The following RAD51B variants were observed in gnomAD, a reference collection of about 807,000 sequenced individuals.
RAD51B encodes DNA repair protein RAD51 homolog 2.
In RAD51B, 38 loss-of-function variants were observed where a neutral mutation model predicts 42.2. The observed-to-expected ratio is 0.90, with a 90% CI of 0.70 to 1.18. The LOEUF (loss-of-function observed/expected upper bound fraction) is 1.18. RAD51B is among the 50% of genes most tolerant of loss of function. The probability of loss-of-function intolerance (pLI) is 0.00; values close to 1 mark genes in which losing one functional copy is unlikely to be tolerated. For synonymous variants in RAD51B, 154 were observed against 145.2 expected, an observed-to-expected ratio of 1.06 and a Z score of -0.43; for missense variants, 373 against 400.7, an observed-to-expected ratio of 0.93 and a Z score of 0.59.
chr14:68,355,290 A>G (rs528461946), intron 8 of RAD51B, among the ~76,000 whole-genome samples: 45 of 152,236 alleles, frequency 3.0e-4, no homozygotes, highest in Non-Finnish European at 5.7e-4. Flanking sequence ...TAGCTCCAAT[A>G]TCCTCAAAAT....
intron 10 of RAD51B, among the ~76,000 whole-genome samples, chr14:68,471,133 G>A (rs1473051117): frequency 6.6e-6 from 1 of 152,170 alleles, no homozygotes; most frequent in East Asian, 1.9e-4. Context: ...GGCACCTGGA[G>A]CTCTGGGTGG....
intron 7 of RAD51B, among the ~76,000 whole-genome samples, chr14:67,931,643 C>T (rs1410492086): frequency 6.6e-6 from 1 of 151,950 alleles, no homozygotes; most frequent in Non-Finnish European, 1.5e-5. Flanking sequence ...GCTGGGATTA[C>T]AGGTGCCCAC....
intron 7 of RAD51B, among the ~76,000 whole-genome samples, chr14:68,140,285 C>T (rs1303774009): frequency 3.3e-5 from 5 of 152,146 alleles, no homozygotes; most frequent in Non-Finnish European, 1.5e-5. Flanking sequence ...CCACTTAATC[C>T]ATCTTGCTTT....
intron 10 of RAD51B, among the ~76,000 whole-genome samples, chr14:68,507,666 T>C (rs1186000912): frequency 6.6e-6 from 1 of 152,210 alleles, no homozygotes; most frequent in Non-Finnish European, 1.5e-5. Flanking sequence ...CAGCTCACAA[T>C]AGACACTCAG....
intron 9 of RAD51B, among the ~76,000 whole-genome samples, chr14:68,413,524 C>T (rs961797620): frequency 6.6e-6 from 1 of 152,120 alleles, no homozygotes; most frequent in Admixed American, 6.5e-5. Flanking sequence ...TTAAAATGGC[C>T]AACCCAGGCA....
chr14:68,223,230 TC>T (rs2079966314), intron 7 of RAD51B, among the ~76,000 whole-genome samples: 1 of 152,252 alleles, frequency 6.6e-6, no homozygotes, highest in Non-Finnish European at 1.5e-5. Flanking sequence ...TTCTTCTTTT[TC>T]CTTCTGGTTT....
intron 10 of RAD51B, chr14:68,562,459 G>T (rs1330676474): frequency 4.1e-6 from 4 of 983,270 alleles, no homozygotes; most frequent in Admixed American, 1.2e-4. Flanking sequence ...AGCTGTGGGG[G>T]ATTTTGTGCT....
At position 68,112,038 on chromosome 14, in the gene RAD51B, C is replaced by G. The variant is rs572565419; in HGVS notation, c.757-179846C>G. ...AAGAGGCTAGCTCATAATAGGATCT[C>G]TGCCAGGCCCTCCAGCAGTAGGTAT... On this transcript the variant is annotated intron_variant, in intron 7 of 10. Coordinates refer to ENST00000471583, the MANE Select transcript of RAD51B (RefSeq NM_133510.4). 9.8e-4 allele frequency among the ~76,000 whole-genome samples: 149 copies of G among 152,170 alleles called. 1 individual carries two copies. The highest frequency in any genetic ancestry group is 3.5e-3 in the African/African-American group (147 of 41,516).
At chr14:68,582,288 CA>C (rs888826177) in intron 10 of RAD51B, among the ~76,000 whole-genome samples, 16 of 152,008 alleles carry the variant, frequency 1.1e-4, no homozygotes, top group Non-Finnish European at 2.4e-4. Flanking sequence ...CCAGAATCTA[CA>C]AAAAACTTAA....
At chr14:68,640,124 C>A (rs1892426441) in intron 10 of RAD51B, among the ~76,000 whole-genome samples, 2 of 152,170 alleles carry the variant, frequency 1.3e-5, no homozygotes, top group Admixed American at 6.5e-5. Context: ...CTTTGGGAAG[C>A]AGCCAGCAAT....
At chr14:67,939,218 C>G (rs1224272541) in intron 7 of RAD51B, among the ~76,000 whole-genome samples, 1 of 152,098 alleles carries the variant, frequency 6.6e-6, no homozygotes, top group African/African-American at 2.4e-5. Context: ...CCCTGCCCCC[C>G]TCCATGTGGA....
intron 10 of RAD51B, chr14:68,563,154 G>C: frequency 1.0e-6 from 1 of 985,432 alleles, no homozygotes; most frequent in Non-Finnish European, 1.2e-6. Flanking sequence ...AAGGAGAGAA[G>C]TTCTTTATTT....
chr14:68,592,884 C>T (rs1595008035), intron 10 of RAD51B, among the ~76,000 whole-genome samples: 1 of 149,844 alleles, frequency 6.7e-6, no homozygotes, highest in South Asian at 2.1e-4. Flanking sequence ...CTGAGTGATA[C>T]GTCATTCTTA....
intron 7 of RAD51B, among the ~76,000 whole-genome samples, chr14:67,977,454 A>G (rs917711106): frequency 7.9e-5 from 12 of 152,268 alleles, no homozygotes; most frequent in African/African-American, 2.9e-4. Flanking sequence ...ATTGGCTTTT[A>G]GCCTTGAACT....
At chr14:68,656,851 T>C (rs1166693111) in intron 11 of RAD51B, among the ~76,000 whole-genome samples, 8 of 152,218 alleles carry the variant, frequency 5.3e-5, no homozygotes, top group Non-Finnish European at 1.2e-4. Context: ...TGCTCCACAC[T>C]GTTCCCATTC....
intron 11 of RAD51B, among the ~76,000 whole-genome samples, chr14:68,660,546 G>A (rs542704041): frequency 6.6e-6 from 1 of 152,178 alleles, no homozygotes; most frequent in African/African-American, 2.4e-5. Context: ...TTGGGAGACC[G>A]AATCAGCTCC....
chr14:68,499,239 A>C (rs1000006967), intron 10 of RAD51B, among the ~76,000 whole-genome samples: 1 of 152,236 alleles, frequency 6.6e-6, no homozygotes, highest in Non-Finnish European at 1.5e-5. Flanking sequence ...CCTGGGACTC[A>C]GCACAGACTT....
intron 8 of RAD51B, among the ~76,000 whole-genome samples, chr14:68,306,471 G>A (rs907054122): frequency 6.6e-6 from 1 of 152,162 alleles, no homozygotes; most frequent in Admixed American, 6.5e-5. Context: ...CAGGTCAGCT[G>A]AGACAAGCAT....
At chr14:67,866,761 G>A (rs553210053) in intron 5 of RAD51B, among the ~76,000 whole-genome samples, 3 of 152,228 alleles carry the variant, frequency 2.0e-5, no homozygotes, top group Middle Eastern at 3.4e-3. Context: ...TATGTTTTTT[G>A]TCTTTGCATA....
Sources: gnomAD v4.1 joint callset for allele counts (sites outside exome capture counted in the v4.1 genomes callset) on GRCh38, gnomAD v4.1.1 for gene constraint, MANE v1.5 for transcripts, NCBI Gene and HGNC (gene_info 2026-07-23, HGNC 2026-07-21) for gene names.